CCDC73: variants seen among roughly 807,000 people sequenced by gnomAD.
CCDC73 encodes the protein coiled-coil domain-containing protein 73.
In CCDC73, 95 loss-of-function variants were observed where a neutral mutation model predicts 116.5. The ratio of observed to expected loss-of-function variants is 0.82; its 90% CI spans 0.69 to 0.97. The LOEUF (loss-of-function observed/expected upper bound fraction) is 0.97. Ranked by LOEUF, CCDC73 falls within the 50% of genes least tolerant of loss-of-function variation. The probability of loss-of-function intolerance (pLI) is 0.00; values close to 1 mark genes in which losing one functional copy is unlikely to be tolerated. For missense variants in CCDC73, 1,066 were observed against 1,206.8 expected, an observed-to-expected ratio of 0.88 and a Z score of 1.73; for synonymous variants, 398 against 401.3, an observed-to-expected ratio of 0.99 and a Z score of 0.10.
chr11:32,750,471 A>G (rs2133366758), intron 2 of CCDC73, among the ~76,000 whole-genome samples: 1 of 152,296 alleles, frequency 6.6e-6, no homozygotes, highest in East Asian at 1.9e-4. Context: ...CATGCCATCC[A>G]GGAGCCAGGG....
intron 1 of CCDC73, among the ~76,000 whole-genome samples, chr11:32,783,247 C>T (rs948616188): frequency 2.6e-5 from 4 of 151,882 alleles, no homozygotes; most frequent in African/African-American, 9.7e-5. Context: ...GAAACTAAGC[C>T]CTCAGTTTAA....
At chr11:32,766,165 A>G (rs915272511) in intron 1 of CCDC73, among the ~76,000 whole-genome samples, 2 of 152,210 alleles carry the variant, frequency 1.3e-5, no homozygotes, top group African/African-American at 2.4e-5. Flanking sequence ...ATGCAAATCA[A>G]TAAACGTAAT....
chr11:32,769,250 G>A (rs1312898920), intron 1 of CCDC73, among the ~76,000 whole-genome samples: 1 of 152,076 alleles, frequency 6.6e-6, no homozygotes, highest in Admixed American at 6.5e-5. Context: ...GTTTTATTTA[G>A]CTCAGGATTC....
At position 32,653,196 on chromosome 11, in the gene CCDC73, TG is replaced by T. The variant is rs1855842200; in HGVS notation, c.865del (p.Gln289SerfsTer17). 8 of 1,611,558 alleles carry T rather than the reference TG, an allele frequency of 5.0e-6. No homozygotes were observed. The highest frequency in any genetic ancestry group is 6.8e-6 in the Non-Finnish European group (8 of 1,178,636). The stretch of plus-strand genomic sequence containing the variant: ...AGCTTGAATTTGTTGCCGAAGTAAC[TG>T]CTGCATATGTTGGAAAGAAATGATG... ...DIIISFQHMQQLLRQQIQANT... is the reference protein window; with the variant it reads ...DIIISFQHMQXLLRQQIQANT... On this transcript the variant is annotated frameshift_variant, in exon 12 of 18. Coordinates refer to ENST00000335185, the MANE Select transcript of CCDC73 (RefSeq NM_001008391.4). LOFTEE classifies it high-confidence loss of function.
intron 1 of CCDC73, among the ~76,000 whole-genome samples, chr11:32,784,792 G>A (rs565105368): frequency 7.2e-5 from 11 of 152,264 alleles, no homozygotes; most frequent in African/African-American, 2.6e-4. Flanking sequence ...AACATATAAT[G>A]GAGGAGTAAA....
At chr11:32,655,089 C>CATTTAT in intron 9 of CCDC73, 117 bp from the exon 10 acceptor site, 1 of 763,294 alleles carries the variant, frequency 1.3e-6, no homozygotes, top group Non-Finnish European at 2.0e-6. Context: ...TGTTATAATT[C>CATTTAT]CCTTGCAAGT....
chr11:32,701,523 A>C (rs1849812605), intron 4 of CCDC73, among the ~76,000 whole-genome samples: 2 of 152,124 alleles, frequency 1.3e-5, no homozygotes, highest in South Asian at 4.1e-4. Context: ...CAATGTAGTA[A>C]GACTTCCTTG....
At chr11:32,828,178 G>A in the CCDC73 span, among the ~76,000 whole-genome samples, 1 of 152,056 alleles carries the variant, frequency 6.6e-6, no homozygotes, top group Non-Finnish European at 1.5e-5. Context: ...ATATCCTTTG[G>A]GAGGAGAAAA....
intron 2 of CCDC73, among the ~76,000 whole-genome samples, chr11:32,724,678 A>C (rs1327200949): frequency 6.6e-6 from 1 of 152,106 alleles, no homozygotes; most frequent in East Asian, 1.9e-4. Context: ...ATTTTTCTAC[A>C]TGCCAATAAT....
At chr11:32,666,840 G>A (rs993778808) in intron 9 of CCDC73, among the ~76,000 whole-genome samples, 2 of 152,168 alleles carry the variant, frequency 1.3e-5, no homozygotes, top group African/African-American at 4.8e-5. Context: ...GGGTTTTCGT[G>A]TAGATGTCCT....
At chr11:32,776,942 T>TACACACACAC (rs1850538404) in intron 1 of CCDC73, among the ~76,000 whole-genome samples, 1 of 26,834 alleles carries the variant, frequency 3.7e-5, no homozygotes, top group Non-Finnish European at 8.4e-5. Context: ...AAAAAATATA[T>TACACACACAC]ATATATATAT....
chr11:32,719,836 C>A (rs749680459), intron 2 of CCDC73, among the ~76,000 whole-genome samples: 64 of 152,128 alleles, frequency 4.2e-4, no homozygotes, highest in Non-Finnish European at 7.9e-4. Context: ...AAGCCACAAA[C>A]TATCAAAACT....
chr11:32,704,150 G>C (rs1352177), intron 3 of CCDC73, among the ~76,000 whole-genome samples: 1 of 152,056 alleles, frequency 6.6e-6, no homozygotes, highest in African/African-American at 2.4e-5. Context: ...GGCGGGGCAG[G>C]AGCCCGTGCT....
At chr11:32,615,876 C>A in intron 15 of CCDC73, 64 bp downstream of exon 15, 1 of 1,376,468 alleles carries the variant, frequency 7.3e-7, no homozygotes, top group Admixed American at 2.5e-5. Flanking sequence ...GTAATTTTCC[C>A]AAAAATATTT....
chr11:32,766,299 A>G (rs2133382764), intron 1 of CCDC73, among the ~76,000 whole-genome samples: 1 of 152,308 alleles, frequency 6.6e-6, no homozygotes, highest in Non-Finnish European at 1.5e-5. Flanking sequence ...GTATTGATGG[A>G]ACATATCTCA....
intron 17 of CCDC73, chr11:32,603,231 T>G (rs539298923): frequency 2.2e-4 from 98 of 451,700 alleles, no homozygotes; most frequent in African/African-American, 1.7e-3. Context: ...ATAACTGAAG[T>G]AAAGTGTACA....
At chr11:32,742,402 A>G (rs1850196374) in intron 2 of CCDC73, among the ~76,000 whole-genome samples, 1 of 152,186 alleles carries the variant, frequency 6.6e-6, no homozygotes. Context: ...TTCTCTAATG[A>G]CCAGCAATGA....
chr11:32,792,642 T>C (rs1307096996), intron 1 of CCDC73, among the ~76,000 whole-genome samples: 1 of 152,174 alleles, frequency 6.6e-6, no homozygotes, highest in East Asian at 1.9e-4. Context: ...TAAATAACAG[T>C]GCCCAATTTT....
chr11:32,701,785 T>TA (rs144441738), intron 4 of CCDC73, among the ~76,000 whole-genome samples: 1,818 of 151,988 alleles, frequency 0.012, 35 homozygotes, highest in African/African-American at 0.042. Context: ...AACACAAGGG[T>TA]ATTAGGCAAA....
Sources: allele counts gnomAD v4.1 joint callset (sites outside exome capture counted in the v4.1 genomes callset), GRCh38; gene constraint gnomAD v4.1.1; transcripts MANE v1.5; gene names NCBI Gene and HGNC (gene_info 2026-07-23, HGNC 2026-07-21).